PPP2R2B: variants seen among roughly 807,000 people sequenced by gnomAD.
PPP2R2B encodes protein phosphatase 2 regulatory subunit Bbeta.
A neutral mutation model predicts 46.0 loss-of-function variants in PPP2R2B; 5 were observed. The observed-to-expected ratio is 0.11, with a 90% confidence interval of 0.06 to 0.23. PPP2R2B has a LOEUF of 0.23. Ranked by LOEUF, PPP2R2B falls within the 10% of genes least tolerant of loss-of-function variation. PPP2R2B has a pLI of 1.00. For synonymous variants in PPP2R2B, 215 were observed against 206.7 expected, an observed-to-expected ratio of 1.04 and a Z score of -0.34; for missense variants, 367 against 575.0, an observed-to-expected ratio of 0.64 and a Z score of 3.70.
At chr5:147,077,763 T>C (rs1757833691) in intron 2 of PPP2R2B, among the ~76,000 whole-genome samples, 1 of 152,200 alleles carries the variant, frequency 6.6e-6, no homozygotes, top group African/African-American at 2.4e-5. Context: ...GTATTCACTA[T>C]TTTAAAGTGC....
intron 1 of PPP2R2B, among the ~76,000 whole-genome samples, chr5:146,907,178 C>T (rs923930446): frequency 1.4e-5 from 2 of 147,178 alleles, no homozygotes; most frequent in East Asian, 2.0e-4. Flanking sequence ...AGTCTGAAAA[C>T]GATTGTATAA....
intron 8 of PPP2R2B, among the ~76,000 whole-genome samples, chr5:146,598,116 C>T (rs75203908): frequency 2.7e-3 from 407 of 152,228 alleles, no homozygotes; most frequent in Non-Finnish European, 4.9e-3. Context: ...CATAATGTTC[C>T]CATCTTCAGT....
intron 2 of PPP2R2B, among the ~76,000 whole-genome samples, chr5:147,066,731 C>T (rs190545146): frequency 1.3e-5 from 2 of 152,266 alleles, no homozygotes; most frequent in Admixed American, 6.5e-5. Context: ...GCTAGAAAGC[C>T]ATTTCTAATC....
chr5:146,650,194 A>T (rs1775863915), intron 6 of PPP2R2B, among the ~76,000 whole-genome samples: 1 of 152,198 alleles, frequency 6.6e-6, no homozygotes, highest in Non-Finnish European at 1.5e-5. Context: ...CATGCTGTCC[A>T]TACAGATTTA....
At chr5:146,967,998 A>G (rs563451952) in intron 1 of PPP2R2B, among the ~76,000 whole-genome samples, 2 of 152,284 alleles carry the variant, frequency 1.3e-5, no homozygotes, top group South Asian at 4.1e-4. Flanking sequence ...CCACTAAAGG[A>G]ACACAACCAA....
intron 1 of PPP2R2B, among the ~76,000 whole-genome samples, chr5:146,904,101 T>C (rs181195465): frequency 2.6e-5 from 4 of 152,268 alleles, no homozygotes; most frequent in African/African-American, 4.8e-5. Flanking sequence ...CTAGTATTTG[T>C]AGAATGCAGA....
chr5:146,901,919 G>A (rs1407628741), intron 1 of PPP2R2B, among the ~76,000 whole-genome samples: 5 of 152,168 alleles, frequency 3.3e-5, no homozygotes, highest in Non-Finnish European at 7.3e-5. Context: ...AAGTAAGTGA[G>A]AGAGGATGGC....
At chr5:146,682,199 A>G (rs764697415) in intron 5 of PPP2R2B, among the ~76,000 whole-genome samples, 5 of 152,234 alleles carry the variant, frequency 3.3e-5, no homozygotes, top group Non-Finnish European at 7.3e-5. Flanking sequence ...GTCAGTGAAT[A>G]CACTCTGAAT....
chr5:146,848,141 T>A (rs1241042818), intron 2 of PPP2R2B, among the ~76,000 whole-genome samples: 2 of 111,880 alleles, frequency 1.8e-5, no homozygotes, highest in Admixed American at 2.0e-4. Flanking sequence ...ATTCTTTAGT[T>A]TTTTTTATCT....
rs377143229 is a variant in PPP2R2B at position 146,925,066 on chromosome 5, C to T, written c.79+130599G>A. 3.9e-5 allele frequency among the ~76,000 whole-genome samples: 6 copies of T among 152,304 alleles called. No homozygotes were observed. The East Asian group carries it at 5.8e-4, about 15-fold the overall frequency. On this transcript the variant is annotated intron_variant, in intron 1 of 8. Transcript: ENST00000336640. The stretch of plus-strand genomic sequence containing the variant: ...AATATACTGCCATTCCCTCTTCCCT[C>T]CTTTGTGCTATTACTGTCCTATATA...
chr5:146,936,634 G>T (rs1257693978), intron 1 of PPP2R2B, among the ~76,000 whole-genome samples: 1 of 151,374 alleles, frequency 6.6e-6, no homozygotes. Flanking sequence ...GATAGTAAGA[G>T]GACATGCACA....
chr5:146,887,022 T>A (rs1762350930), intron 1 of PPP2R2B, among the ~76,000 whole-genome samples: 1 of 151,962 alleles, frequency 6.6e-6, no homozygotes, highest in South Asian at 2.1e-4. Flanking sequence ...GCAAACCACA[T>A]TTGTAATTGT....
At chr5:147,050,621 A>G (rs1756760732) in intron 1 of PPP2R2B, among the ~76,000 whole-genome samples, 1 of 152,000 alleles carries the variant, frequency 6.6e-6, no homozygotes, top group Non-Finnish European at 1.5e-5. Flanking sequence ...CGGTTTTCTC[A>G]TGGATAAAAT....
At chr5:146,705,578 T>C (rs1340807338) in intron 2 of PPP2R2B, among the ~76,000 whole-genome samples, 2 of 152,184 alleles carry the variant, frequency 1.3e-5, no homozygotes, top group African/African-American at 4.8e-5. Flanking sequence ...GGAATTACAG[T>C]TGTTCCTCCC....
At chr5:146,839,341 T>C (rs1383278925) in intron 2 of PPP2R2B, among the ~76,000 whole-genome samples, 2 of 152,096 alleles carry the variant, frequency 1.3e-5, no homozygotes, top group African/African-American at 4.8e-5. Flanking sequence ...GGCAACGTGG[T>C]GAAACCTTGT....
intron 4 of PPP2R2B, among the ~76,000 whole-genome samples, chr5:146,693,220 CT>C (rs1472276110): frequency 6.7e-6 from 1 of 150,334 alleles, no homozygotes; most frequent in Non-Finnish European, 1.5e-5. Flanking sequence ...CTCTCTTCTT[CT>C]TTTTTTAAAT....
At chr5:146,905,691 C>G (rs954540224) in intron 1 of PPP2R2B, among the ~76,000 whole-genome samples, 7 of 152,156 alleles carry the variant, frequency 4.6e-5, no homozygotes, top group African/African-American at 1.4e-4. Context: ...TATTAAATAC[C>G]CTCTAAATAA....
chr5:146,630,929 G>A (rs909981985), intron 7 of PPP2R2B, among the ~76,000 whole-genome samples: 2 of 152,182 alleles, frequency 1.3e-5, no homozygotes. Context: ...AAGCACAGAG[G>A]TTAGGTAACC....
chr5:146,797,745 C>G (rs993664897), intron 2 of PPP2R2B, among the ~76,000 whole-genome samples: 1 of 152,184 alleles, frequency 6.6e-6, no homozygotes, highest in African/African-American at 2.4e-5. Flanking sequence ...AAAACATTAT[C>G]TCCCTCTTTG....
Sources: allele counts gnomAD v4.1 joint callset (sites outside exome capture counted in the v4.1 genomes callset), GRCh38; gene constraint gnomAD v4.1.1; transcripts MANE v1.5; gene names NCBI Gene and HGNC (gene_info 2026-07-23, HGNC 2026-07-21).